Variants in NACA observed in about 807,000 individuals in gnomAD.
NACA encodes the protein nascent polypeptide-associated complex subunit alpha.
NACA carries 42 observed loss-of-function variants against 86.4 expected under a neutral mutation model. The ratio of observed to expected loss-of-function variants is 0.49; its 90% CI spans 0.38 to 0.63. The LOEUF is 0.63. NACA is among the 20% of genes least tolerant of loss of function. The pLI is 0.00. For synonymous variants in NACA, 898 were observed against 973.7 expected (o/e 0.92, Z 1.45); for missense variants, 2,157 against 2,483.6 (o/e 0.87, Z 2.80).
At chr12:56,713,761 C>T (rs1953277459) in intron 5 of NACA, 78 bp from the exon 6 acceptor site, 17 of 1,405,588 alleles carry the variant, frequency 1.2e-5, no homozygotes, top group Non-Finnish European at 1.7e-5. Context: ...AATACAACAT[C>T]CAAAGCAAAG....
At position 56,721,158 on chromosome 12, in the gene NACA, A is replaced by G. The variant is rs1592321857; in HGVS notation, c.372T>C (p.Ala124=). ...AALALASPMI[A]PTLKGTPSSS... ...AGGAAGGGGTCCCTTTCAGAGTTGG[A>G]GCTATCATGGGAGAGGCTAGAGCTA... Residue 124 remains alanine (A), a synonymous_variant, in exon 3 of 9, where the codon GCT becomes GCC. Coordinates refer to ENST00000454682, the MANE Select transcript of NACA (RefSeq NM_001365896.1). 1.2e-6 allele frequency: 2 copies of G among 1,613,796 alleles called. No individual in the cohort carries two copies. Among genetic ancestry groups the G allele is most frequent in the East Asian group, 2.2e-5 (1 of 44,866 alleles).
In NACA at chr12:56,718,118, CT is replaced by C. The variant is rs770645381; in HGVS notation, c.3411del (p.Gly1138GlufsTer3). ...TTPAATPPSP[K>X]GGLATPPPKG... ...TTTGGGGGTGGGGTAGCTAGACCTC[CT>C]TTTGGGGAGGGAGGAGTTGCAGCTG... On this transcript the variant is annotated frameshift_variant, in exon 3 of 9. Transcript: ENST00000454682. LOFTEE classifies it high-confidence loss of function. 35 of 923,384 alleles carry C rather than the reference CT, an allele frequency of 3.8e-5. No individual in the cohort carries two copies. Among genetic ancestry groups the C allele is most frequent in the Middle Eastern group, 5.5e-4 (1 of 1,824 alleles). 57.2% of individuals were successfully genotyped at this position (923,384 alleles called of 1,614,324 possible). A position where few individuals can be genotyped will look rare whatever the true frequency, so the allele number is the denominator to read the frequency against.
chr12:56,724,365 A>T, intron 2 of NACA, 87 bp downstream of exon 2: 1 of 1,364,582 alleles, frequency 7.3e-7, no homozygotes, highest in South Asian at 1.3e-5. Context: ...CATCCTCCTA[A>T]AAAGTGTATT....
Position 56,715,796 on chromosome 12 carries a change from T to A in NACA, c.5659+75A>T, listed in dbSNP as rs1242199093. 3 of 1,300,718 alleles carry A rather than the reference T, an allele frequency of 2.3e-6. No individual in the cohort carries two copies. The East Asian group carries it at 7.1e-5, about 31-fold the overall frequency. 80.6% of individuals were successfully genotyped at this position (1,300,718 alleles called of 1,614,324 possible). ...TGGAGAAAGCGGCGCATCACAGGGT[T>A]AGTATTGGTGGGTAGCGCCCAAGAG... On this transcript the variant is annotated intron_variant, in intron 3 of 8. Transcript: ENST00000454682.
At position 56,713,447 on chromosome 12, in the gene NACA, C is replaced by T. The variant is rs1264790421; in HGVS notation, c.5970+90G>A. The T allele has an allele frequency of 8.1e-5, 121 of 1,495,488 alleles. No individual in the cohort carries two copies. The Middle Eastern group carries it at 1.2e-3, about 15-fold the overall frequency. 92.6% of individuals were successfully genotyped at this position (1,495,488 alleles called of 1,614,324 possible). ...AACTGGATGTAATGGATAGCCCTTC[C>T]ATAACAGAGAACTATCTGACGCAAA... is the stretch of plus-strand genomic sequence containing the variant. On this transcript the variant is annotated intron_variant, in intron 6 of 8. Transcript: ENST00000454682.
Position 56,720,633 on chromosome 12 carries a change from T to G in NACA, c.897A>C (p.Pro299=), listed in dbSNP as rs1006764298. 6.2e-7 allele frequency: 1 copy of G among 1,613,528 alleles called. No individual in the cohort carries two copies. Among genetic ancestry groups the G allele is most frequent in the Non-Finnish European group, 8.5e-7 (1 of 1,179,870 alleles). The change falls in exon 3 of 9, where the codon CCA becomes CCC. Residue 299 remains proline, a synonymous_variant. Coordinates refer to ENST00000454682, the MANE Select transcript of NACA (RefSeq NM_001365896.1). ...SQKTAGPNTP[P]DFPISLGSHL... is the part of the protein sequence containing the mutation. ...GAGAGCCCAGAGAAATGGGAAAATCTGGGGGGGTGTTGGGACCCGCAGTCT... is the reference window on the plus strand; with the variant it reads ...GAGAGCCCAGAGAAATGGGAAAATCGGGGGGGGTGTTGGGACCCGCAGTCT...
In NACA at chr12:56,720,128, A is replaced by C; in HGVS notation, c.1402T>G (p.Ser468Ala). The part of the protein sequence containing the change: ...EVATCVSPPM[S>A]SGPISNIEPT... ...TCTATGTTACTTATGGGACCTGATG[A>C]CATTGGAGGAGAAACACAAGTAGCT... is the stretch of plus-strand genomic sequence containing the variant. The change falls in exon 3 of 9, where the codon TCA becomes GCA. Residue 468 changes from serine (S) to alanine (A), a missense_variant. Coordinates refer to ENST00000454682, the MANE Select transcript of NACA (RefSeq NM_001365896.1). 6.2e-7 allele frequency: 1 copy of C among 1,613,958 alleles called. No individual in the cohort carries two copies. Among genetic ancestry groups the C allele is most frequent in the South Asian group, 1.1e-5 (1 of 91,080 alleles).
Position 56,716,411 on chromosome 12 carries a change from T to G in NACA, c.5119A>C (p.Lys1707Gln). ...TAPTRKGPQT[K>Q]KSSATSPPIC... ...GGAGGTGAAGTAGCAGAACTCTTTT[T>G]GGTCTGTGGACCTTTCCGAGTGGGA... is the stretch of plus-strand genomic sequence containing the variant. The change falls in exon 3 of 9, where the codon AAA (lysine) becomes CAA (glutamine). Residue 1707 changes from lysine to glutamine, a missense_variant. By Grantham distance (53) the Lys-to-Gln change is moderately conservative (BLOSUM62 1). Transcript: ENST00000454682. 1.2e-6 allele frequency: 2 copies of G among 1,601,824 alleles called. No homozygotes were observed. Among genetic ancestry groups the G allele is most frequent in the Non-Finnish European group, 1.7e-6 (2 of 1,172,656 alleles).
intron 1 of NACA, 104 bp downstream of exon 1, chr12:56,725,159 A>C (rs2137842902): frequency 6.6e-6 from 1 of 152,568 alleles, no homozygotes; most frequent in Admixed American, 6.5e-5. Context: ...CCTGTGGCCC[A>C]GTAAAGCCTC....
chr12:56,713,278 A>G, intron 6 of NACA, 88 bp from the exon 7 acceptor site: 2 of 1,492,352 alleles, frequency 1.3e-6, no homozygotes, highest in Non-Finnish European at 9.1e-7. Context: ...CTGTAAACCC[A>G]TTCAGGTAAC....
At chr12:56,724,637 AG>A (rs531282060) in intron 1 of NACA, 114 bp from the exon 2 acceptor site, 171 of 1,184,928 alleles carry the variant, frequency 1.4e-4, no homozygotes, top group Non-Finnish European at 1.9e-4. Flanking sequence ...AAAAATCGTG[AG>A]GGTGTTTGGT....
In NACA at chr12:56,717,748, T is replaced by A; in HGVS notation, c.3782A>T (p.Lys1261Ile). ...PKGGPATPPP[K>I]GAPTPPAATP... is the part of the protein sequence containing the mutation. ...TGCAGCTGGGGGAGTGGGGGCCCCT[T>A]TGGGGGGTGGGGTAGCTGGGCCTCC... is the stretch of plus-strand genomic sequence containing the variant. Residue 1261 changes from lysine to isoleucine, a missense_variant, in exon 3 of 9, where the codon AAA becomes ATA. Transcript: ENST00000454682. The A allele has an allele frequency of 4.4e-6, 5 of 1,129,512 alleles. No homozygotes were observed. The highest frequency in any genetic ancestry group is 5.5e-6 in the Non-Finnish European group (5 of 912,326). 70.0% of individuals were successfully genotyped at this position (1,129,512 alleles called of 1,614,324 possible). A position where few individuals can be genotyped will look rare whatever the true frequency, so the allele number is the denominator to read the frequency against.
rs746518354 is a variant in NACA at position 56,719,071 on chromosome 12, G to A, written c.2459C>T (p.Pro820Leu). 2 of 1,449,832 alleles carry A rather than the reference G, an allele frequency of 1.4e-6. No individual in the cohort carries two copies. The highest frequency in any genetic ancestry group is 1.9e-6 in the Non-Finnish European group (2 of 1,072,948). The allele number at this position is 1,449,832 out of a possible 1,614,324, so 89.8% of individuals were successfully genotyped here. A position where few individuals can be genotyped will look rare whatever the true frequency, so the allele number is the denominator to read the frequency against. The change falls in exon 3 of 9, where the codon CCT becomes CTT. Residue 820 changes from proline (P) to leucine (L), a missense_variant. Pro to Leu is a moderately conservative substitution (Grantham distance 98). Transcript: ENST00000454682. ...TKKGSAGPDT[P>L]IGNLSSPVSP... ...AACAGGGGATGAGAGATTTCCAATA[G>A]GAGTATCAGGGCCAGCAGAACCCTT... is the stretch of plus-strand genomic sequence containing the variant.
chr12:56,719,345 C>T lies in NACA; in HGVS notation c.2185G>A (p.Glu729Lys), dbSNP rs770716128. ...GGTGAGGGCACAGACTTTGGGATTT[C>T]AGGGGCCAGCACTAAGGTAGCCAGA... ...APLATLVLAP[E>K]IPKSVPSPSL... Residue 729 changes from glutamate (E) to lysine (K), a missense_variant, in exon 3 of 9, where the codon GAA becomes AAA. Coordinates refer to ENST00000454682, the MANE Select transcript of NACA (RefSeq NM_001365896.1). The T allele has an allele frequency of 3.7e-6, 6 of 1,608,174 alleles. No individual in the cohort carries two copies. The East Asian group carries it at 1.3e-4, about 36-fold the overall frequency.
chr12:56,715,670 T>C (rs1953333556), intron 3 of NACA, among the ~76,000 whole-genome samples: 2 of 152,174 alleles, frequency 1.3e-5, no homozygotes, highest in African/African-American at 2.4e-5. Flanking sequence ...ACTATGTATC[T>C]ATCTGAAGTA....
At position 56,720,234 on chromosome 12, in the gene NACA, G is replaced by A. The variant is rs749793112; in HGVS notation, c.1296C>T (p.Pro432=). ...GTGGGGTGGTTCCAACAGAAGAAAC[G>A]GGCATTTGGGCCACTAAAGGATAAT... The part of the protein sequence containing the change: ...TYHYPLVAQM[P]VSSVGTTPLV... The change falls in exon 3 of 9, where the codon CCC becomes CCT. Residue 432 remains proline (P), a synonymous_variant. Coordinates refer to ENST00000454682, the MANE Select transcript of NACA (RefSeq NM_001365896.1). 10 of 1,613,940 alleles carry A rather than the reference G, an allele frequency of 6.2e-6. 1 individual carries two copies. The East Asian group carries it at 6.7e-5, about 11-fold the overall frequency.
At chr12:56,714,782 T>C in intron 3 of NACA, 95 bp from the exon 4 acceptor site, 2 of 1,107,362 alleles carry the variant, frequency 1.8e-6, no homozygotes, top group Non-Finnish European at 2.7e-6. Context: ...GAATGCCTCA[T>C]GCTAGACCTA....
chr12:56,724,814 C>G (rs943074511), intron 1 of NACA: 36 of 390,126 alleles, frequency 9.2e-5, no homozygotes, highest in Non-Finnish European at 1.6e-4. Flanking sequence ...CCCCTCCACT[C>G]CTAATACTCA....
intron 6 of NACA, 62 bp from the exon 7 acceptor site, chr12:56,713,252 A>G (rs1254696295): frequency 1.8e-5 from 28 of 1,564,086 alleles, no homozygotes; most frequent in Non-Finnish European, 2.4e-5. Context: ...AATAAATCAT[A>G]TAGTTTCACA....
Sources: gnomAD v4.1 joint callset for allele counts (sites outside exome capture counted in the v4.1 genomes callset) on GRCh38, gnomAD v4.1.1 for gene constraint, MANE v1.5 for transcripts, NCBI Gene and HGNC (gene_info 2026-07-23, HGNC 2026-07-21) for gene names.